ARHGEF7: variants seen among roughly 807,000 people sequenced by gnomAD.
The protein encoded by ARHGEF7 is PAK-interacting exchange factor beta.
ARHGEF7 carries 33 observed loss-of-function variants against 109.8 expected under a neutral mutation model. The observed-to-expected ratio is 0.30, with a 90% CI of 0.23 to 0.40. The LOEUF (loss-of-function observed/expected upper bound fraction) is 0.40. ARHGEF7 is among the 10% of genes least tolerant of loss of function. The probability of loss-of-function intolerance (pLI) is 1.00; values close to 1 mark genes in which losing one functional copy is unlikely to be tolerated. For missense variants in ARHGEF7, 938 were observed against 1,098.5 expected, an observed-to-expected ratio of 0.85 and a Z score of 2.07; for synonymous variants, 458 against 424.6, an observed-to-expected ratio of 1.08 and a Z score of -0.97.
At chr13:111,200,398 GT>G (rs2081082617) in intron 2 of ARHGEF7, among the ~76,000 whole-genome samples, 2 of 150,052 alleles carry the variant, frequency 1.3e-5, no homozygotes, top group South Asian at 2.1e-4. Context: ...CCTTTCTCTC[GT>G]TTTCTGTTCA....
At chr13:111,128,588 A>G (rs1376793024) in intron 1 of ARHGEF7, among the ~76,000 whole-genome samples, 1 of 152,252 alleles carries the variant, frequency 6.6e-6, no homozygotes. Flanking sequence ...TTGTATTTCT[A>G]TATATTAGCA....
intron 19 of ARHGEF7, among the ~76,000 whole-genome samples, chr13:111,298,916 T>A (rs1595632826): frequency 6.6e-6 from 1 of 152,262 alleles, no homozygotes; most frequent in Non-Finnish European, 1.5e-5. Flanking sequence ...GAATTTTAAG[T>A]GCTACATTTG....
chr13:111,207,283 C>T (rs1237544352), intron 3 of ARHGEF7, among the ~76,000 whole-genome samples: 1 of 152,216 alleles, frequency 6.6e-6, no homozygotes. Context: ...GTCCTCCCAC[C>T]TCGGCCTCCT....
intron 8 of ARHGEF7, among the ~76,000 whole-genome samples, chr13:111,262,414 A>G (rs1320758801): frequency 6.1e-5 from 9 of 146,782 alleles, no homozygotes; most frequent in African/African-American, 2.2e-4. Flanking sequence ...GTGTGTGTGC[A>G]TGTGTGTGTG....
chr13:111,215,735 T>TCTC (rs1280798922), intron 4 of ARHGEF7, among the ~76,000 whole-genome samples: 1 of 152,184 alleles, frequency 6.6e-6, no homozygotes, highest in African/African-American at 2.4e-5. Flanking sequence ...CACATTAATT[T>TCTC]TTCTCTTCTC....
At chr13:111,209,600 T>C (rs1230477495) in intron 3 of ARHGEF7, among the ~76,000 whole-genome samples, 1 of 152,236 alleles carries the variant, frequency 6.6e-6, no homozygotes, top group Non-Finnish European at 1.5e-5. Flanking sequence ...TTAAAAGTTA[T>C]AATACATTTC....
At chr13:111,119,098 G>C (rs1490119754) in intron 1 of ARHGEF7, among the ~76,000 whole-genome samples, 1 of 152,166 alleles carries the variant, frequency 6.6e-6, no homozygotes, top group Non-Finnish European at 1.5e-5. Flanking sequence ...TCAGGCTTCT[G>C]GTAGTTCCTG....
At chr13:111,182,021 G>A (rs547242229) in intron 2 of ARHGEF7, 1 of 152,394 alleles carries the variant, frequency 6.6e-6, no homozygotes, top group South Asian at 2.1e-4. Context: ...CATCTTGACT[G>A]CTAGGGGATG....
intron 2 of ARHGEF7, among the ~76,000 whole-genome samples, chr13:111,157,556 A>C (rs549650155): frequency 6.6e-6 from 1 of 151,964 alleles, no homozygotes; most frequent in East Asian, 1.9e-4. Flanking sequence ...AACAGAGCAA[A>C]ACTCCGTCTC....
chr13:111,166,486 C>T (rs1001979061), intron 2 of ARHGEF7, among the ~76,000 whole-genome samples: 6 of 152,184 alleles, frequency 3.9e-5, no homozygotes, highest in Non-Finnish European at 8.8e-5. Context: ...CCAAAGAGGA[C>T]AGGATGGCAC....
At chr13:111,276,919 TC>T (rs2153601058) in intron 12 of ARHGEF7, among the ~76,000 whole-genome samples, 1 of 152,352 alleles carries the variant, frequency 6.6e-6, no homozygotes, top group East Asian at 1.9e-4. Flanking sequence ...GGAACTTTTT[TC>T]TTTCACTTAT....
rs78391725 is a variant in ARHGEF7 at position 111,266,664 on chromosome 13, T to C, written c.951-884T>C. On this transcript the variant is annotated intron_variant, in intron 8 of 21. Coordinates refer to ENST00000646102, the MANE Select transcript of ARHGEF7 (RefSeq NM_001354046.2). This position sits in a 1 kb window ranked among gnomAD's most constrained non-coding sequence, Gnocchi z 4.8. ...GGGACTGGTTGACTCTTGTTTTCTG[T>C]AGGAATCCCTGGTGTTCATGTTTTT... is the stretch of plus-strand genomic sequence containing the variant. Among the ~76,000 whole-genome samples, 3,261 of 152,266 alleles carry C rather than the reference T, an allele frequency of 0.021. 119 individuals are homozygous for C. Among genetic ancestry groups the C allele is most frequent in the African/African-American group, 0.075 (3,109 of 41,538 alleles).
intron 6 of ARHGEF7, among the ~76,000 whole-genome samples, 188 bp from the exon 7 acceptor site, chr13:111,243,684 G>A (rs890267118): frequency 6.6e-6 from 1 of 152,194 alleles, no homozygotes; most frequent in South Asian, 2.1e-4. Flanking sequence ...TATGGCCTTA[G>A]TAATAATTCA....
chr13:111,201,145 C>A (rs750366054), intron 2 of ARHGEF7, among the ~76,000 whole-genome samples: 1 of 152,192 alleles, frequency 6.6e-6, no homozygotes, highest in Non-Finnish European at 1.5e-5. Context: ...TCCCCATCGT[C>A]CCCCTTGTTC....
At chr13:111,188,481 C>T (rs2079505399) in intron 2 of ARHGEF7, among the ~76,000 whole-genome samples, 1 of 152,202 alleles carries the variant, frequency 6.6e-6, no homozygotes, top group African/African-American at 2.4e-5. Context: ...TCCATCCTTT[C>T]CCTGCCTGCC....
Position 111,177,849 on chromosome 13 carries a change from A to G in ARHGEF7, c.252+23858A>G, listed in dbSNP as rs538981530. Reference sequence around the variant, plus strand: ...TGGGGAAAAAAGTGTTAAGAAGGGTATATGTTGTTATTTTCTAAAAGTCCT... The same window carrying G: ...TGGGGAAAAAAGTGTTAAGAAGGGTGTATGTTGTTATTTTCTAAAAGTCCT... On this transcript the variant is annotated intron_variant, in intron 2 of 21. Coordinates refer to ENST00000646102, the MANE Select transcript of ARHGEF7 (RefSeq NM_001354046.2). Among the ~76,000 whole-genome samples, 3 of 152,318 alleles carry G rather than the reference A, an allele frequency of 2.0e-5. No individual in the cohort carries two copies. The East Asian group carries it at 5.8e-4, about 29-fold the overall frequency.
At chr13:111,176,634 TGAG>T (rs1425062084) in intron 2 of ARHGEF7, among the ~76,000 whole-genome samples, 1 of 152,242 alleles carries the variant, frequency 6.6e-6, no homozygotes, top group Non-Finnish European at 1.5e-5. Flanking sequence ...GTAACCATGA[TGAG>T]TGGGACCCCC....
chr13:111,201,893 A>G (rs1566802390), intron 2 of ARHGEF7, among the ~76,000 whole-genome samples: 2 of 152,090 alleles, frequency 1.3e-5, no homozygotes, highest in South Asian at 2.1e-4. Context: ...TTAAGAAGGT[A>G]TTTTTCTATC....
chr13:111,122,394 C>G (rs1374097273), intron 1 of ARHGEF7, among the ~76,000 whole-genome samples: 1 of 152,272 alleles, frequency 6.6e-6, no homozygotes, highest in Non-Finnish European at 1.5e-5. Context: ...GGTACAGCTT[C>G]TGACTTCTCC....
Sources: gnomAD v4.1 joint callset for allele counts (sites outside exome capture counted in the v4.1 genomes callset) on GRCh38, gnomAD v4.1.1 for gene constraint, Gnocchi (gnomAD v3.1) non-coding constraint, MANE v1.5 for transcripts, NCBI Gene and HGNC (gene_info 2026-07-23, HGNC 2026-07-21) for gene names.